LOC400499: variants seen among roughly 807,000 people sequenced by gnomAD.
chr16:11,384,878 C>G, the LOC400499 span: 1 of 1,232,150 alleles, frequency 8.1e-7, no homozygotes, highest in East Asian at 3.2e-5. Context: ...CTCCTGGGGC[C>G]CAGACCCACC....
chr16:11,496,610 C>G, the LOC400499 span, among the ~76,000 whole-genome samples: 1 of 152,106 alleles, frequency 6.6e-6, no homozygotes, highest in Admixed American at 6.6e-5. Flanking sequence ...CACACGTGTC[C>G]CCATGTGGGC....
chr16:11,502,683 CG>C, the LOC400499 span, among the ~76,000 whole-genome samples: 2 of 150,840 alleles, frequency 1.3e-5, no homozygotes, highest in African/African-American at 4.9e-5. Context: ...GGCGCAATCT[CG>C]GCTCACGGCA....
chr16:11,374,803 T>A, the LOC400499 span, among the ~76,000 whole-genome samples: 5,156 of 152,244 alleles, frequency 0.034, 208 homozygotes, highest in Middle Eastern at 0.12. Context: ...GTGAGACCCT[T>A]TGAATTTTAG....
At chr16:11,465,710 C>T in the LOC400499 span, among the ~76,000 whole-genome samples, 1 of 151,184 alleles carries the variant, frequency 6.6e-6, no homozygotes, top group Non-Finnish European at 1.5e-5. Flanking sequence ...GGGTTTGAGG[C>T]TGCAGTGATC....
At chr16:11,415,671 G>A in the LOC400499 span, among the ~76,000 whole-genome samples, 87 of 152,304 alleles carry the variant, frequency 5.7e-4, no homozygotes, top group African/African-American at 1.8e-3. Flanking sequence ...GAATGTTAAC[G>A]ACAGGCAGAG....
chr16:11,396,410 C>T, the LOC400499 span: 2 of 1,129,554 alleles, frequency 1.8e-6, no homozygotes, highest in East Asian at 6.4e-5. Flanking sequence ...CACTAGATGG[C>T]GGGGCCGCCC....
the LOC400499 span, among the ~76,000 whole-genome samples, chr16:11,423,468 T>C: frequency 2.0e-5 from 3 of 152,188 alleles, no homozygotes; most frequent in African/African-American, 7.2e-5. Flanking sequence ...ATGCAGGGCC[T>C]CCACGCCAGG....
chr16:11,466,445 T>C, the LOC400499 span, among the ~76,000 whole-genome samples: 1 of 152,206 alleles, frequency 6.6e-6, no homozygotes, highest in African/African-American at 2.4e-5. Context: ...TGCAGTAAAG[T>C]GGCGTGATCT....
chr16:11,381,345 C>G, the LOC400499 span, among the ~76,000 whole-genome samples: 1 of 152,068 alleles, frequency 6.6e-6, no homozygotes, highest in Non-Finnish European at 1.5e-5. Flanking sequence ...TTCAAGCAAT[C>G]TCGCCTCAGC....
chr16:11,503,550 A>G, the LOC400499 span, among the ~76,000 whole-genome samples: 1 of 152,044 alleles, frequency 6.6e-6, no homozygotes, highest in African/African-American at 2.4e-5. Context: ...CCACCCACCC[A>G]GAGGTCCTCC....
the LOC400499 span, chr16:11,446,690 G>C: frequency 6.5e-7 from 1 of 1,532,532 alleles, no homozygotes; most frequent in East Asian, 2.5e-5. Context: ...TGAGGAGGCA[G>C]CTGGGGCCTT....
the LOC400499 span, among the ~76,000 whole-genome samples, chr16:11,423,773 C>G: frequency 4.3e-4 from 66 of 152,202 alleles, no homozygotes; most frequent in Non-Finnish European, 8.8e-4. Context: ...CAGGGAGGAA[C>G]TGAGAGACCA....
chr16:11,460,579 G>A, the LOC400499 span: 4 of 1,535,068 alleles, frequency 2.6e-6, no homozygotes, highest in African/African-American at 1.4e-5. Flanking sequence ...TCTGGCTGGT[G>A]CTGCACTCGT....
the LOC400499 span, among the ~76,000 whole-genome samples, chr16:11,467,591 G>C: frequency 6.6e-6 from 1 of 152,052 alleles, no homozygotes; most frequent in Non-Finnish European, 1.5e-5. Context: ...CAGCCTGAGT[G>C]ACAGAGCAAG....
the LOC400499 span, among the ~76,000 whole-genome samples, chr16:11,421,613 A>T: frequency 3.9e-5 from 6 of 152,318 alleles, no homozygotes; most frequent in South Asian, 1.2e-3. Context: ...CATGTTGGCC[A>T]GGCTGATCTC....
At chr16:11,423,123 G>A in the LOC400499 span, 2,105 of 399,182 alleles carry the variant, frequency 5.3e-3, 10 homozygotes, top group Non-Finnish European at 6.4e-3. Flanking sequence ...TGCCAGCCCC[G>A]CTGGAGGGGC....
At chr16:11,385,803 A>C in the LOC400499 span, among the ~76,000 whole-genome samples, 1 of 152,230 alleles carries the variant, frequency 6.6e-6, no homozygotes, top group Admixed American at 6.5e-5. Context: ...GGGGTGATGA[A>C]AATGTTTTAA....
At chr16:11,495,134 G>A in the LOC400499 span, among the ~76,000 whole-genome samples, 2 of 151,916 alleles carry the variant, frequency 1.3e-5, no homozygotes, top group Non-Finnish European at 1.5e-5. Context: ...CCTTGAACCC[G>A]GGAAGCAGAG....
the LOC400499 span, among the ~76,000 whole-genome samples, chr16:11,438,185 T>G: frequency 6.6e-6 from 1 of 152,140 alleles, no homozygotes; most frequent in Non-Finnish European, 1.5e-5. Flanking sequence ...ACGCAATCAT[T>G]TCACAGACAT....
Sources: gnomAD v4.1 joint callset for allele counts (sites outside exome capture counted in the v4.1 genomes callset) on GRCh38, gnomAD v4.1.1 for gene constraint, MANE v1.5 for transcripts.